Variants in MERTK observed in about 807,000 individuals in gnomAD.
MERTK encodes the protein MER proto-oncogene, tyrosine kinase, also known as tyrosine-protein kinase Mer.
A neutral mutation model predicts 99.3 loss-of-function variants in MERTK; 69 were observed. The ratio of observed to expected loss-of-function variants is 0.70; its 90% CI spans 0.57 to 0.85. MERTK has a LOEUF of 0.85. Among genes scored for constraint, MERTK ranks in the 40% least tolerant of loss-of-function variants. The probability of loss-of-function intolerance (pLI) is 0.00; values close to 1 mark genes in which losing one functional copy is unlikely to be tolerated. For missense variants in MERTK, 1,125 were observed against 1,249.4 expected, an observed-to-expected ratio of 0.90 and a Z score of 1.50; for synonymous variants, 426 against 467.6, an observed-to-expected ratio of 0.91 and a Z score of 1.15.
intron 18 of MERTK, among the ~76,000 whole-genome samples, chr2:112,024,465 G>A (rs1020645029): frequency 1.3e-5 from 2 of 152,190 alleles, no homozygotes; most frequent in African/African-American, 4.8e-5. Flanking sequence ...TGCCACCCCC[G>A]CCTCCTGTGG....
intron 12 of MERTK, 45 bp downstream of exon 12, chr2:112,003,232 T>G: frequency 1.1e-6 from 1 of 895,234 alleles, no homozygotes; most frequent in East Asian, 2.4e-5. Flanking sequence ...GATAAGAAGG[T>G]AGCAGTTTAG....
chr2:111,920,443 C>T (rs965486632), intron 1 of MERTK, among the ~76,000 whole-genome samples: 1 of 152,110 alleles, frequency 6.6e-6, no homozygotes, highest in African/African-American at 2.4e-5. Context: ...GTGGCGTGAT[C>T]GCCTCTTCCT....
chr2:111,982,204 G>A (rs537293698), intron 7 of MERTK, among the ~76,000 whole-genome samples: 5 of 151,974 alleles, frequency 3.3e-5, no homozygotes, highest in Admixed American at 2.6e-4. Flanking sequence ...CTACACACCT[G>A]TGCCATCACA....
chr2:111,978,306 C>T (rs978118682), intron 7 of MERTK, among the ~76,000 whole-genome samples: 2 of 152,082 alleles, frequency 1.3e-5, no homozygotes, highest in African/African-American at 2.4e-5. Context: ...TGCACCATCA[C>T]GCCCAGCTAA....
chr2:112,016,675 A>G (rs1405502917), intron 15 of MERTK, among the ~76,000 whole-genome samples: 1 of 152,238 alleles, frequency 6.6e-6, no homozygotes, highest in African/African-American at 2.4e-5. Flanking sequence ...CCCAGTTCTC[A>G]TGGAGATCGA....
rs1558796375 is a variant in MERTK at position 111,982,933 on chromosome 2, G to A, written c.1236G>A (p.Gln412=). The A allele has an allele frequency of 1.1e-5, 17 of 1,614,186 alleles. No individual in the cohort carries two copies. The highest frequency in any genetic ancestry group is 1.2e-5 in the Non-Finnish European group (14 of 1,180,028). The change falls in exon 8 of 19, where the codon CAG becomes CAA. Residue 412 remains glutamine (Q), a synonymous_variant. Transcript: ENST00000295408. ...GATGGATGAAGCCTCCGACTAAGCA[G>A]CAGGATGGAGAACTGGTGGGCTACC... ...DIRWMKPPTK[Q]QDGELVGYRI...
intron 1 of MERTK, among the ~76,000 whole-genome samples, chr2:111,904,535 C>A (rs902018686): frequency 6.6e-6 from 1 of 152,066 alleles, no homozygotes; most frequent in Non-Finnish European, 1.5e-5. Context: ...TCCACCAGAC[C>A]TGGCTAATTT....
intron 1 of MERTK, among the ~76,000 whole-genome samples, chr2:111,907,651 G>A (rs1684161275): frequency 6.9e-6 from 1 of 145,114 alleles, no homozygotes; most frequent in Non-Finnish European, 1.5e-5. Context: ...TGGATGGAGT[G>A]GGGCATATCC....
At chr2:111,899,808 G>A (rs1235470188) in intron 1 of MERTK, among the ~76,000 whole-genome samples, 1 of 152,026 alleles carries the variant, frequency 6.6e-6, no homozygotes, top group Non-Finnish European at 1.5e-5. Flanking sequence ...GAGCCACCGC[G>A]CCCGGCTTGT....
chr2:111,930,297 T>TC (rs1044342210), intron 2 of MERTK: 6 of 152,372 alleles, frequency 3.9e-5, no homozygotes, highest in Non-Finnish European at 8.8e-5. Context: ...ATATGGGGAT[T>TC]CCCCCCACTA....
chr2:111,927,845 G>A (rs1573576641), intron 1 of MERTK, among the ~76,000 whole-genome samples: 1 of 152,260 alleles, frequency 6.6e-6, no homozygotes, highest in African/African-American at 2.4e-5. Context: ...CAGCCCTTGA[G>A]CAAGGATGGA....
chr2:111,956,024 G>A (rs1263841256), intron 4 of MERTK, among the ~76,000 whole-genome samples: 2 of 151,584 alleles, frequency 1.3e-5, no homozygotes, highest in Non-Finnish European at 1.5e-5. Context: ...TGTAAATGAC[G>A]AGTTGATGGA....
chr2:112,028,737 C>A lies in MERTK; in HGVS notation c.2873C>A (p.Pro958Gln). 4 of 1,614,102 alleles carry A rather than the reference C, an allele frequency of 2.5e-6. No homozygotes were observed. The highest frequency in any genetic ancestry group is 3.4e-6 in the Non-Finnish European group (4 of 1,180,026). ...ACAGCTGAAAAGAACAGTGTTTTACCGGGGGAGAGACTTGTTAGGAATGGG... is the reference window on the plus strand; with the variant it reads ...ACAGCTGAAAAGAACAGTGTTTTACAGGGGGAGAGACTTGTTAGGAATGGG... ...AVTAEKNSVL[P>Q]GERLVRNGVS... The change falls in exon 19 of 19, where the codon CCG (proline) becomes CAG (glutamine). Residue 958 changes from proline (P) to glutamine (Q), a missense_variant. Pro to Gln is a moderately conservative substitution (Grantham distance 76). Coordinates refer to ENST00000295408, the MANE Select transcript of MERTK (RefSeq NM_006343.3).
Position 111,929,175 on chromosome 2 carries a change from T to C in MERTK, c.117T>C (p.Phe39=). The C allele has an allele frequency of 6.2e-7, 1 of 1,614,202 alleles. No homozygotes were observed. The highest frequency in any genetic ancestry group is 1.1e-5 in the South Asian group (1 of 91,086). ...CTTACCCGCTATTCCCGGGACCTTT[T>C]CCAGGGAGCCTGCAAACTGACCACA... is the stretch of plus-strand genomic sequence containing the variant. ...AKPYPLFPGP[F]PGSLQTDHTP... Residue 39 remains phenylalanine (F), a synonymous_variant, in exon 2 of 19, where the codon TTT becomes TTC. Transcript: ENST00000295408.
At position 111,925,297 on chromosome 2, in the gene MERTK, T is replaced by A. The variant is rs1317796156; in HGVS notation, c.62-3823T>A. Among the ~76,000 whole-genome samples the A allele has an allele frequency of 4.1e-3, 358 of 88,038 alleles. 8 individuals are homozygous for A. The highest frequency in any genetic ancestry group is 0.011 in the African/African-American group (243 of 22,596). The allele number at this position is 88,038 out of a possible 152,430, so 57.8% of individuals were successfully genotyped here. A position where few individuals can be genotyped will look rare whatever the true frequency, so the allele number is the denominator to read the frequency against. On this transcript the variant is annotated intron_variant, in intron 1 of 18. Transcript: ENST00000295408. ...TCAGATATATATATATATATATTTT[T>A]TTTTTTTTTTTTTTTTTTTTTGAGA...
At chr2:111,961,623 CATAGG>C (rs1459580475) in intron 4 of MERTK, among the ~76,000 whole-genome samples, 1 of 152,126 alleles carries the variant, frequency 6.6e-6, no homozygotes, top group Non-Finnish European at 1.5e-5. Context: ...ACCACCGAAT[CATAGG>C]ACAGAGATGT....
intron 1 of MERTK, among the ~76,000 whole-genome samples, chr2:111,918,512 C>G (rs1338066652): frequency 1.3e-5 from 2 of 152,224 alleles, no homozygotes; most frequent in South Asian, 2.1e-4. Flanking sequence ...CCTTTGAGAC[C>G]CTGGCCAGAC....
At chr2:111,904,526 C>T (rs1684102470) in intron 1 of MERTK, among the ~76,000 whole-genome samples, 1 of 152,064 alleles carries the variant, frequency 6.6e-6, no homozygotes. Context: ...CAGGTGCCCT[C>T]CACCAGACCT....
At chr2:111,957,216 C>T (rs1056783940) in intron 4 of MERTK, among the ~76,000 whole-genome samples, 9 of 151,532 alleles carry the variant, frequency 5.9e-5, no homozygotes, top group East Asian at 2.0e-4. Flanking sequence ...CCACTGCGCC[C>T]GGCGAGACCT....
Sources: allele counts gnomAD v4.1 joint callset (sites outside exome capture counted in the v4.1 genomes callset), GRCh38; gene constraint gnomAD v4.1.1; transcripts MANE v1.5; gene names NCBI Gene and HGNC (gene_info 2026-07-23, HGNC 2026-07-21).